The following PDCD1LG2 variants were observed in gnomAD, a reference collection of about 807,000 sequenced individuals.
The protein encoded by PDCD1LG2 is B7 dendritic cell molecule.
In PDCD1LG2, 32 loss-of-function variants were observed where a neutral mutation model predicts 28.2. The ratio of observed to expected loss-of-function variants is 1.13; its 90% confidence interval spans 0.86 to 1.52. The LOEUF is 1.52. Ranked by LOEUF, PDCD1LG2 falls within the 40% of genes most tolerant of loss-of-function variation. PDCD1LG2 has a pLI of 0.00. For missense variants in PDCD1LG2, 385 were observed against 323.8 expected, an observed-to-expected ratio of 1.19 and a Z score of -1.45; for synonymous variants, 116 against 120.2, an observed-to-expected ratio of 0.97 and a Z score of 0.23.
intron 3 of PDCD1LG2, among the ~76,000 whole-genome samples, chr9:5,540,232 A>G (rs1476286103): frequency 6.6e-6 from 1 of 152,238 alleles, no homozygotes; most frequent in Non-Finnish European, 1.5e-5. Context: ...ATACAGCAAA[A>G]GCAGTGCTAA....
chr9:5,521,743 C>T (rs957845099), intron 1 of PDCD1LG2, among the ~76,000 whole-genome samples: 1 of 152,206 alleles, frequency 6.6e-6, no homozygotes, highest in Non-Finnish European at 1.5e-5. Context: ...AGATGTATGG[C>T]TCCAACAGAT....
intron 3 of PDCD1LG2, among the ~76,000 whole-genome samples, chr9:5,543,884 G>A: frequency 7.4e-6 from 1 of 134,482 alleles, no homozygotes; most frequent in Non-Finnish European, 1.6e-5. Context: ...GGGGGGGAGG[G>A]GAAGCTCCTG....
chr9:5,530,378 A>T (rs1299443703), intron 2 of PDCD1LG2, among the ~76,000 whole-genome samples: 1 of 152,146 alleles, frequency 6.6e-6, no homozygotes, highest in Non-Finnish European at 1.5e-5. Flanking sequence ...TCCTTTGTCT[A>T]ATACCTTCAG....
rs753291705 is a variant in PDCD1LG2, at chr9:5,563,211, T to C, written c.816T>C (p.Ala272=). 1.7e-5 allele frequency: 27 copies of C among 1,610,496 alleles called. No homozygotes were observed. Among genetic ancestry groups the C allele is most frequent in the Non-Finnish European group, 2.2e-5 (26 of 1,177,382 alleles). The change falls in exon 6 of 7, where the codon GCT becomes GCC. Residue 272 remains alanine, a splice_region_variant and synonymous_variant. Coordinates refer to ENST00000397747, the MANE Select transcript of PDCD1LG2 (RefSeq NM_025239.4). ...VTTTKREVNS[A]I ...CAACAAAGAGGGAAGTGAACAGTGC[T>C]GTGAGTAAGCATGATTTTTACTTTT...
At position 5,534,821 on chromosome 9, in the gene PDCD1LG2, T is replaced by G; in HGVS notation, c.132T>G (p.Phe44Leu). The G allele has an allele frequency of 6.2e-7, 1 of 1,614,174 alleles. No homozygotes were observed. The highest frequency in any genetic ancestry group is 8.5e-7 in the Non-Finnish European group (1 of 1,180,016). The change falls in exon 3 of 7, where the codon TTT (phenylalanine) becomes TTG (leucine). Residue 44 changes from phenylalanine to leucine, a missense_variant. Transcript: ENST00000397747. ...HGSNVTLECN[F>L]DTGSHVNLGA... The stretch of plus-strand genomic sequence containing the variant: ...GCAATGTGACCCTGGAATGCAACTT[T>G]GACACTGGAAGTCATGTGAACCTTG...
intron 3 of PDCD1LG2, among the ~76,000 whole-genome samples, chr9:5,542,929 C>A (rs946415032): frequency 6.6e-6 from 1 of 151,938 alleles, no homozygotes; most frequent in Non-Finnish European, 1.5e-5. Flanking sequence ...TGGAACCAGC[C>A]CAAATGCCCA....
chr9:5,515,922 CAAAAAAAAAAAAAA>C (rs1204038026), intron 1 of PDCD1LG2, among the ~76,000 whole-genome samples: 88 of 30,300 alleles, frequency 2.9e-3, no homozygotes, highest in Admixed American at 3.7e-3. Context: ...GACTCCATCT[CAAAAAAAAAAAAAA>C]AAAAAAAAAA....
intron 1 of PDCD1LG2, among the ~76,000 whole-genome samples, chr9:5,522,256 G>C (rs1226724019): frequency 3.9e-5 from 6 of 152,334 alleles, no homozygotes; most frequent in Non-Finnish European, 7.4e-5. Flanking sequence ...CTGCCAATAT[G>C]TGTGGTTCAC....
At chr9:5,544,985 T>C (rs1451054125) in intron 3 of PDCD1LG2, among the ~76,000 whole-genome samples, 1 of 152,204 alleles carries the variant, frequency 6.6e-6, no homozygotes, top group Non-Finnish European at 1.5e-5. Flanking sequence ...TATCTGGAAA[T>C]GGGTCTGAAG....
Position 5,554,887 on chromosome 9 carries a change from G to C in PDCD1LG2, c.632-2731G>C, listed in dbSNP as rs367610122. Among the ~76,000 whole-genome samples the C allele has an allele frequency of 6.6e-5, 10 of 152,252 alleles. No individual in the cohort carries two copies. The South Asian group carries it at 1.2e-3, about 19-fold the overall frequency. ...CTAAATATCCTACTTAGCCACTCTA[G>C]CACTCAGTCTCTCATGTGTAGCATG... On this transcript the variant is annotated intron_variant, in intron 4 of 6. Transcript: ENST00000397747.
At chr9:5,553,304 C>G (rs571155551) in intron 4 of PDCD1LG2, among the ~76,000 whole-genome samples, 2 of 152,162 alleles carry the variant, frequency 1.3e-5, no homozygotes, top group Non-Finnish European at 2.9e-5. Flanking sequence ...AAGATGAACT[C>G]TAACTAATTC....
intron 4 of PDCD1LG2, among the ~76,000 whole-genome samples, chr9:5,552,264 C>A (rs1382931047): frequency 1.3e-5 from 2 of 152,152 alleles, no homozygotes; most frequent in African/African-American, 2.4e-5. Flanking sequence ...ATTTCTCCAC[C>A]AGTATGGTAA....
At chr9:5,568,827 T>C (rs1262959791) in intron 6 of PDCD1LG2, among the ~76,000 whole-genome samples, 2 of 152,224 alleles carry the variant, frequency 1.3e-5, no homozygotes, top group African/African-American at 4.8e-5. Flanking sequence ...AGTCTGTGTA[T>C]TTTTTATGGT....
intron 2 of PDCD1LG2, among the ~76,000 whole-genome samples, chr9:5,528,275 T>A (rs891035801): frequency 9.5e-5 from 14 of 147,500 alleles, no homozygotes; most frequent in Non-Finnish European, 1.9e-4. Flanking sequence ...ATATATATAT[T>A]TTATATATAT....
At chr9:5,515,922 C>CAAAAAAAAAAAAAAA (rs1204038026) in intron 1 of PDCD1LG2, among the ~76,000 whole-genome samples, 37 of 30,296 alleles carry the variant, frequency 1.2e-3, no homozygotes, top group Admixed American at 1.6e-3. Flanking sequence ...GACTCCATCT[C>CAAAAAAAAAAAAAAA]AAAAAAAAAA....
intron 3 of PDCD1LG2, among the ~76,000 whole-genome samples, chr9:5,546,476 G>A (rs962263750): frequency 2.0e-5 from 3 of 152,126 alleles, no homozygotes; most frequent in Non-Finnish European, 2.9e-5. Flanking sequence ...TACACACTTC[G>A]GGTACTGTTT....
intron 2 of PDCD1LG2, among the ~76,000 whole-genome samples, chr9:5,524,420 T>C (rs1820333153): frequency 6.6e-6 from 1 of 152,216 alleles, no homozygotes; most frequent in Non-Finnish European, 1.5e-5. Context: ...TGTTGCTGAA[T>C]TAACTGAAAG....
At chr9:5,521,461 A>G (rs1308449979) in intron 1 of PDCD1LG2, among the ~76,000 whole-genome samples, 1 of 152,196 alleles carries the variant, frequency 6.6e-6, no homozygotes, top group African/African-American at 2.4e-5. Flanking sequence ...AAAATTTTAA[A>G]ACAAAGAAAA....
At chr9:5,560,647 G>T (rs1024038364) in intron 5 of PDCD1LG2, among the ~76,000 whole-genome samples, 5 of 149,954 alleles carry the variant, frequency 3.3e-5, no homozygotes, top group Non-Finnish European at 5.9e-5. Flanking sequence ...TGGGACGCCA[G>T]TCCTAACTTC....
Sources: allele counts gnomAD v4.1 joint callset (sites outside exome capture counted in the v4.1 genomes callset), GRCh38; gene constraint gnomAD v4.1.1; transcripts MANE v1.5; gene names NCBI Gene and HGNC (gene_info 2026-07-23, HGNC 2026-07-21).